ADAMTSL1: variants seen among roughly 807,000 people sequenced by gnomAD.
ADAMTSL1 encodes ADAMTS-like protein 1.
ADAMTSL1 carries 126 observed loss-of-function variants against 201.8 expected under a neutral mutation model. The ratio of observed to expected loss-of-function variants is 0.62; its 90% CI spans 0.54 to 0.72. The LOEUF is 0.72. ADAMTSL1 is among the 30% of genes least tolerant of loss of function. The pLI is 0.00. For synonymous variants in ADAMTSL1, 1,121 were observed against 903.4 expected, an observed-to-expected ratio of 1.24 and a Z score of -4.32; for missense variants, 2,679 against 2,277.8, an observed-to-expected ratio of 1.18 and a Z score of -3.59.
intron 3 of ADAMTSL1, among the ~76,000 whole-genome samples, chr9:18,538,753 G>A (rs566137033): frequency 4.1e-4 from 63 of 152,244 alleles, no homozygotes; most frequent in African/African-American, 1.3e-3. Flanking sequence ...AACAGTGGGC[G>A]TAAGGTAAAT....
chr9:18,872,020 C>G (rs913041702), intron 23 of ADAMTSL1, among the ~76,000 whole-genome samples: 1 of 152,168 alleles, frequency 6.6e-6, no homozygotes, highest in Non-Finnish European at 1.5e-5. Context: ...CAAGTTCCAA[C>G]CAAGTCAGTA....
intron 26 of ADAMTSL1, among the ~76,000 whole-genome samples, chr9:18,894,288 G>A (rs1019051361): frequency 7.9e-5 from 12 of 151,322 alleles, no homozygotes; most frequent in African/African-American, 2.4e-4. Context: ...AAGCTGCAAC[G>A]AGCTGTGATC....
chr9:18,043,944 A>C (rs1405522477), intron 1 of ADAMTSL1, among the ~76,000 whole-genome samples: 2 of 147,816 alleles, frequency 1.4e-5, no homozygotes, highest in Non-Finnish European at 3.0e-5. Flanking sequence ...ATTTCTAGTG[A>C]ATTTCTACAA....
At chr9:18,801,518 C>A (rs529367265) in intron 20 of ADAMTSL1, among the ~76,000 whole-genome samples, 2 of 152,264 alleles carry the variant, frequency 1.3e-5, no homozygotes, top group African/African-American at 4.8e-5. Context: ...TTCAGCTCCG[C>A]TCTCTCCTCC....
At chr9:18,561,476 A>G (rs186934134) in intron 3 of ADAMTSL1, among the ~76,000 whole-genome samples, 10 of 152,218 alleles carry the variant, frequency 6.6e-5, no homozygotes, top group African/African-American at 2.4e-4. Flanking sequence ...AATAAGTGTA[A>G]TGTGGTGCTG....
chr9:18,504,833 C>A lies in ADAMTSL1; in HGVS notation c.68C>A (p.Ser23Tyr). Residue 23 changes from serine to tyrosine, a missense_variant, in exon 2 of 29, where the codon TCC becomes TAC. Transcript: ENST00000380548. ...LLFLAFLLLS[S>Y]RTARSEEDRD... ...CCATTCTTTTGTTTCTCACAGAGTT[C>A]CAGGACCGCACGCTCCGAGGAGGAC... The A allele has an allele frequency of 6.2e-7, 1 of 1,614,192 alleles. No individual in the cohort carries two copies. Among genetic ancestry groups the A allele is most frequent in the Non-Finnish European group, 8.5e-7 (1 of 1,180,022 alleles).
intron 2 of ADAMTSL1, among the ~76,000 whole-genome samples, chr9:18,315,227 G>A (rs894595723): frequency 6.6e-6 from 1 of 152,146 alleles, no homozygotes; most frequent in African/African-American, 2.4e-5. Context: ...AGCTAGACAC[G>A]AAGTGCTGAC....
At chr9:18,727,616 C>G (rs1181446892) in intron 15 of ADAMTSL1, among the ~76,000 whole-genome samples, 5 of 152,206 alleles carry the variant, frequency 3.3e-5, no homozygotes, top group Non-Finnish European at 7.3e-5. Context: ...TCCCCAGCAG[C>G]ATTTTGACAT....
intron 2 of ADAMTSL1, among the ~76,000 whole-genome samples, chr9:18,304,957 C>A (rs1473200598): frequency 2.0e-5 from 3 of 152,194 alleles, no homozygotes; most frequent in African/African-American, 4.8e-5. Context: ...CAGCTCCCAG[C>A]GTGATCTACA....
At chr9:18,621,125 T>A (rs1826011846) in intron 4 of ADAMTSL1, among the ~76,000 whole-genome samples, 1 of 152,176 alleles carries the variant, frequency 6.6e-6, no homozygotes, top group Non-Finnish European at 1.5e-5. Context: ...TTATTTTATT[T>A]TGTCAAAGAG....
At chr9:18,091,175 T>C (rs1163924582) in intron 1 of ADAMTSL1, among the ~76,000 whole-genome samples, 1 of 152,072 alleles carries the variant, frequency 6.6e-6, no homozygotes, top group Non-Finnish European at 1.5e-5. Context: ...TTTTGTTTGT[T>C]TTTTGTTCTT....
chr9:18,568,218 A>G (rs1435607085), intron 3 of ADAMTSL1, among the ~76,000 whole-genome samples: 1 of 152,186 alleles, frequency 6.6e-6, no homozygotes, highest in Non-Finnish European at 1.5e-5. Flanking sequence ...TTCCGAGAAC[A>G]AAATATAGTA....
chr9:18,062,797 T>G (rs1822517479), intron 1 of ADAMTSL1, among the ~76,000 whole-genome samples: 1 of 152,162 alleles, frequency 6.6e-6, no homozygotes, highest in South Asian at 2.1e-4. Context: ...AAAAAATGAT[T>G]TTTAAAATTT....
intron 1 of ADAMTSL1, among the ~76,000 whole-genome samples, chr9:17,975,835 T>C (rs1285769735): frequency 6.6e-6 from 1 of 152,142 alleles, no homozygotes; most frequent in Non-Finnish European, 1.5e-5. Flanking sequence ...TACTTTCTTC[T>C]TGGTGTTTTA....
At chr9:18,051,185 C>T (rs1294204283) in intron 1 of ADAMTSL1, among the ~76,000 whole-genome samples, 1 of 152,100 alleles carries the variant, frequency 6.6e-6, no homozygotes. Context: ...CCTGTAGCCC[C>T]AGCTACTTGG....
At chr9:17,944,416 T>A (rs1827370201) in intron 1 of ADAMTSL1, among the ~76,000 whole-genome samples, 1 of 152,196 alleles carries the variant, frequency 6.6e-6, no homozygotes, top group South Asian at 2.1e-4. Context: ...TTCAATGCCA[T>A]CCCCATCAAG....
chr9:17,963,333 A>C (rs1283175807), intron 1 of ADAMTSL1, among the ~76,000 whole-genome samples: 2 of 152,210 alleles, frequency 1.3e-5, no homozygotes, highest in East Asian at 3.8e-4. Flanking sequence ...TTTTAAACAT[A>C]GATACTAAAG....
intron 1 of ADAMTSL1, among the ~76,000 whole-genome samples, chr9:18,036,722 T>C (rs1485032806): frequency 2.0e-5 from 3 of 152,130 alleles, no homozygotes; most frequent in African/African-American, 7.2e-5. Flanking sequence ...TTGATATGGG[T>C]TTCCTCTAAT....
chr9:18,345,788 T>C (rs913396864), intron 2 of ADAMTSL1, among the ~76,000 whole-genome samples: 6 of 152,084 alleles, frequency 3.9e-5, no homozygotes, highest in African/African-American at 1.4e-4. Flanking sequence ...TGGGGTTCCA[T>C]AGCTCACATG....
Sources: gnomAD v4.1 joint callset for allele counts (sites outside exome capture counted in the v4.1 genomes callset) on GRCh38, gnomAD v4.1.1 for gene constraint, MANE v1.5 for transcripts, NCBI Gene and HGNC (gene_info 2026-07-23, HGNC 2026-07-21) for gene names.